Variants in ZBTB7A observed in about 807,000 individuals in gnomAD.
ZBTB7A encodes zinc finger and BTB domain-containing protein 7A.
A neutral mutation model predicts 26.7 loss-of-function variants in ZBTB7A; 7 were observed. The observed-to-expected ratio is 0.26, with a 90% confidence interval of 0.15 to 0.49. The LOEUF (loss-of-function observed/expected upper bound fraction) is 0.49. Ranked by LOEUF, ZBTB7A falls within the 20% of genes least tolerant of loss-of-function variation. ZBTB7A has a pLI of 0.98. For missense variants in ZBTB7A, 617 were observed against 919.5 expected, an observed-to-expected ratio of 0.67 and a Z score of 4.25; for synonymous variants, 452 against 441.0, an observed-to-expected ratio of 1.02 and a Z score of -0.31.
chr19:4,054,643 G>A lies in ZBTB7A; in HGVS notation c.590C>T (p.Ala197Val), dbSNP rs1369272625. 1 of 1,597,724 alleles carries A rather than the reference G, an allele frequency of 6.3e-7. No individual in the cohort carries two copies. Among genetic ancestry groups the A allele is most frequent in the Non-Finnish European group, 8.5e-7 (1 of 1,173,628 alleles). Residue 197 changes from alanine to valine, a missense_variant, in exon 2 of 3, where the codon GCC becomes GTC. Physicochemically the swap from Ala to Val is moderately conservative, Grantham distance 64 (BLOSUM62 0). This residue lies in a region of ZBTB7A where 331 missense variants were observed against 391.3 expected (regional missense o/e 0.85). Transcript: ENST00000322357. ...AFGASDDDLD[A>V]TKEAVAAAVA... ...AGCGGCGGCCACGGCCTCCTTGGTG[G>A]CATCCAGGTCATCATCGGACGCCCC...
At chr19:4,058,424 A>T (rs1568236409) in intron 1 of ZBTB7A, among the ~76,000 whole-genome samples, 1 of 142,868 alleles carries the variant, frequency 7.0e-6, no homozygotes, top group Non-Finnish European at 1.5e-5. Context: ...TGTCTGTCCC[A>T]CCCCTTTCTC....
rs2040412324 is a variant in ZBTB7A at position 4,046,037 on chromosome 19, G to A, written c.*1715C>T. 1 of 399,110 alleles carries A rather than the reference G, an allele frequency of 2.5e-6. No homozygotes were observed. Among genetic ancestry groups the A allele is most frequent in the Non-Finnish European group, 4.4e-6 (1 of 226,142 alleles). 24.7% of individuals were successfully genotyped at this position (399,110 alleles called of 1,614,324 possible). A position where few individuals can be genotyped will look rare whatever the true frequency, so the allele number is the denominator to read the frequency against. ...GGACAGGCGTGTTGGGGGATTGGGG[G>A]GTGCCGGATGGGGATCGGGGTGCTC... is the stretch of plus-strand genomic sequence containing the variant. On this transcript the variant is annotated 3_prime_UTR_variant, in exon 3 of 3. Coordinates refer to ENST00000322357, the MANE Select transcript of ZBTB7A (RefSeq NM_015898.4).
At chr19:4,053,927 G>C in intron 2 of ZBTB7A, 44 bp downstream of exon 2, 1 of 1,539,986 alleles carries the variant, frequency 6.5e-7, no homozygotes, top group African/African-American at 1.4e-5. Flanking sequence ...GCGGATGCTG[G>C]GGCAGAGAGC....
At chr19:4,056,571 T>TA (rs1267539752) in intron 1 of ZBTB7A, among the ~76,000 whole-genome samples, 1 of 151,972 alleles carries the variant, frequency 6.6e-6, no homozygotes, top group African/African-American at 2.4e-5. Flanking sequence ...CTGTCTCTAC[T>TA]AAAAATACAA....
chr19:4,056,702 T>C (rs534011162), intron 1 of ZBTB7A, among the ~76,000 whole-genome samples: 1 of 152,196 alleles, frequency 6.6e-6, no homozygotes, highest in African/African-American at 2.4e-5. Context: ...ACTCTGTCTC[T>C]ACTAAAAATA....
chr19:4,063,259 C>T (rs2040658153), intron 1 of ZBTB7A, among the ~76,000 whole-genome samples: 1 of 152,190 alleles, frequency 6.6e-6, no homozygotes, highest in Non-Finnish European at 1.5e-5. Context: ...ACACAGCGCG[C>T]CCCGGCTGCA....
chr19:4,051,872 G>A (rs949384742), intron 2 of ZBTB7A, among the ~76,000 whole-genome samples: 3 of 151,986 alleles, frequency 2.0e-5, no homozygotes, highest in South Asian at 4.2e-4. Context: ...GGGTGGGGGC[G>A]GAGGTATCCC....
rs7251080 is a variant in ZBTB7A, at chr19:4,054,210, C to T, written c.1023G>A (p.Ser341=). 9.6e-3 allele frequency: 15,206 copies of T among 1,587,942 alleles called. 1,299 individuals carry two copies. In the African/African-American group the frequency reaches 0.18, roughly 19 times the overall value. Residue 341 remains serine (S), a synonymous_variant, in exon 2 of 3, where the codon TCG becomes TCA. Transcript: ENST00000322357. Reference sequence around the variant, plus strand: ...CCATGACGCCCTTGTCGTCGGCCCGCGACTCCTCGTCGCTGTCCCCCGCCG... The same window carrying T: ...CCATGACGCCCTTGTCGTCGGCCCGTGACTCCTCGTCGCTGTCCCCCGCCG... The part of the protein sequence containing the change: ...GAAAGDSDEE[S]RADDKGVMDY...
At chr19:4,050,280 T>C (rs4807539) in intron 2 of ZBTB7A, among the ~76,000 whole-genome samples, 133,159 of 151,034 alleles carry the variant, frequency 0.88, 59,331 homozygotes, top group East Asian at 0.95. Context: ...GGGCTGGTCT[T>C]GAACTCCTGA....
At chr19:4,056,064 T>C (rs2144996750) in intron 1 of ZBTB7A, among the ~76,000 whole-genome samples, 1 of 151,750 alleles carries the variant, frequency 6.6e-6, no homozygotes, top group African/African-American at 2.4e-5. Context: ...TGGTCAGATG[T>C]CCTGCCTCCC....
chr19:4,064,490 A>C (rs2040671249), intron 1 of ZBTB7A, among the ~76,000 whole-genome samples: 1 of 152,230 alleles, frequency 6.6e-6, no homozygotes, highest in Non-Finnish European at 1.5e-5. Context: ...GGCTGGGCTT[A>C]GGCCTGGCCT....
intron 1 of ZBTB7A, among the ~76,000 whole-genome samples, chr19:4,056,108 T>G (rs2040574730): frequency 6.6e-6 from 1 of 150,682 alleles, no homozygotes; most frequent in Admixed American, 6.6e-5. Context: ...ACAAAAGCAA[T>G]CAGACGTCAT....
In ZBTB7A at chr19:4,045,614, G is replaced by A; in HGVS notation, c.*2138C>T. 1 of 325,700 alleles carries A rather than the reference G, an allele frequency of 3.1e-6. No homozygotes were observed. Among genetic ancestry groups the A allele is most frequent in the Non-Finnish European group, 5.5e-6 (1 of 181,744 alleles). The allele number at this position is 325,700 out of a possible 1,614,324, so 20.2% of individuals were successfully genotyped here. A position where few individuals can be genotyped will look rare whatever the true frequency, so the allele number is the denominator to read the frequency against. On this transcript the variant is annotated 3_prime_UTR_variant, in exon 3 of 3. Transcript: ENST00000322357. This position sits in a 1 kb window ranked among gnomAD's most constrained non-coding sequence, Gnocchi z 4.1. ...AGATGTGTGTGTCACAGAGAAGGGG[G>A]TATGGGGGGGTCGGGGGCAGGGAGA...
intron 1 of ZBTB7A, among the ~76,000 whole-genome samples, chr19:4,055,822 CAAA>C (rs896735121): frequency 6.6e-6 from 1 of 152,036 alleles, no homozygotes; most frequent in Non-Finnish European, 1.5e-5. Flanking sequence ...GACTCCATCT[CAAA>C]AAAACAAAAC....
rs1230564893 is a variant in ZBTB7A, at chr19:4,054,976, G to A, written c.257C>T (p.Thr86Ile). The change falls in exon 2 of 3, where the codon ACC becomes ATC. Residue 86 changes from threonine (T) to isoleucine (I), a missense_variant. Around this residue, in one of 5 missense-constraint regions of ZBTB7A, gnomAD observed 82 missense variants for 195.2 expected, o/e 0.42. Coordinates refer to ENST00000322357, the MANE Select transcript of ZBTB7A (RefSeq NM_015898.4). Reference sequence around the variant, plus strand: ...CGTGTAGGCGAAGTCCATGAGCGCGGTGAGCGCCTCGGCGCTGACGAAGTC... The same window carrying A: ...CGTGTAGGCGAAGTCCATGAGCGCGATGAGCGCCTCGGCGCTGACGAAGTC... Reference protein sequence around the residue: ...EIDFVSAEALTALMDFAYTAT... With the variant: ...EIDFVSAEALIALMDFAYTAT... 1.2e-6 allele frequency: 2 copies of A among 1,612,222 alleles called. No individual in the cohort carries two copies. Among genetic ancestry groups the A allele is most frequent in the South Asian group, 1.1e-5 (1 of 91,054 alleles).
rs1332991669 is a variant in ZBTB7A, at chr19:4,045,740, C to T, written c.*2012G>A. 2.0e-5 allele frequency: 8 copies of T among 396,504 alleles called. No individual in the cohort carries two copies. Among genetic ancestry groups the T allele is most frequent in the Admixed American group, 4.4e-5 (1 of 22,666 alleles). 24.6% of individuals were successfully genotyped at this position (396,504 alleles called of 1,614,324 possible). On this transcript the variant is annotated 3_prime_UTR_variant, in exon 3 of 3. Transcript: ENST00000322357. The surrounding 1 kb of genome is among the most constrained non-coding windows in gnomAD (Gnocchi z 4.1). ...ATTGCATATGCAAACGGGGTGAGGG[C>T]GTCCTGGCATCTGGCGACATAGTCT... is the stretch of plus-strand genomic sequence containing the variant.
intron 1 of ZBTB7A, among the ~76,000 whole-genome samples, chr19:4,060,188 C>G (rs1226597524): frequency 6.6e-6 from 1 of 152,134 alleles, no homozygotes; most frequent in Non-Finnish European, 1.5e-5. Context: ...CCCTCCTCCC[C>G]CCGGGCCACT....
Position 4,052,751 on chromosome 19 carries a change from C to T in ZBTB7A, c.1262+1220G>A, listed in dbSNP as rs1485198466. ...CCAGCCACCTCTGGACTCCTGAGAC[C>T]GAATTGCAAACTGCCCGGGCCTGGC... On this transcript the variant is annotated intron_variant, in intron 2 of 2. Transcript: ENST00000322357. The surrounding 1 kb of genome is among the most constrained non-coding windows in gnomAD (Gnocchi z 4.9). 2.0e-5 allele frequency among the ~76,000 whole-genome samples: 3 copies of T among 152,196 alleles called. No individual in the cohort carries two copies. Among genetic ancestry groups the T allele is most frequent in the Admixed American group, 1.3e-4 (2 of 15,288 alleles).
intron 1 of ZBTB7A, among the ~76,000 whole-genome samples, chr19:4,058,618 G>A (rs894707298): frequency 6.6e-6 from 1 of 152,186 alleles, no homozygotes; most frequent in African/African-American, 2.4e-5. Flanking sequence ...GAGCCCCTGG[G>A]CAAGGCCCCT....
Sources: allele counts gnomAD v4.1 joint callset (sites outside exome capture counted in the v4.1 genomes callset), GRCh38; gene constraint gnomAD v4.1.1; regional missense constraint gnomAD v4.1.1; non-coding constraint Gnocchi (gnomAD v3.1); transcripts MANE v1.5; gene names NCBI Gene and HGNC (gene_info 2026-07-23, HGNC 2026-07-21).